Variants in DDR2 observed in about 807,000 individuals in gnomAD.
DDR2 encodes discoidin domain receptor tyrosine kinase 2.
Under a neutral mutation model 94.9 loss-of-function variants are expected in DDR2, and 27 were observed. The ratio of observed to expected loss-of-function variants is 0.28; its 90% CI spans 0.21 to 0.39. DDR2 has a LOEUF of 0.39. Among genes scored for constraint, DDR2 ranks in the 10% least tolerant of loss-of-function variants. The probability of loss-of-function intolerance (pLI) is 1.00; values close to 1 mark genes in which losing one functional copy is unlikely to be tolerated. For missense variants in DDR2, 783 were observed against 1,076.0 expected (o/e 0.73, Z 3.81); for synonymous variants, 382 against 377.2 (o/e 1.01, Z -0.15).
chr1:162,757,993 ATTTT>A (rs1663541011), intron 7 of DDR2, among the ~76,000 whole-genome samples: 1 of 152,158 alleles, frequency 6.6e-6, no homozygotes, highest in African/African-American at 2.4e-5. Flanking sequence ...TGCGCCAAGC[ATTTT>A]CCATTACTAT....
chr1:162,782,952 A>T lies in DDR2; in HGVS notation c.*2706A>T, dbSNP rs1023316279. On this transcript the variant is annotated 3_prime_UTR_variant, in exon 18 of 18. Coordinates refer to ENST00000367921, the MANE Select transcript of DDR2 (RefSeq NM_006182.4). ...CACAGGTTTAGTTTCTAGCTTAGTC[A>T]TGCCTTTAGAGTTTAGTAGCACAAA... 3 of 152,136 alleles carry T rather than the reference A, an allele frequency of 2.0e-5. No individual in the cohort carries two copies. Among genetic ancestry groups the T allele is most frequent in the Admixed American group, 1.3e-4 (2 of 15,266 alleles). 9.4% of individuals were successfully genotyped at this position (152,136 alleles called of 1,614,324 possible).
chr1:162,717,315 C>T (rs1003711415), intron 2 of DDR2, among the ~76,000 whole-genome samples: 4 of 152,114 alleles, frequency 2.6e-5, no homozygotes, highest in Admixed American at 1.3e-4. Flanking sequence ...GGATTACAGG[C>T]GTGAGCCACT....
intron 1 of DDR2, among the ~76,000 whole-genome samples, chr1:162,648,302 C>T (rs761000640): frequency 6.6e-6 from 1 of 152,074 alleles, no homozygotes; most frequent in Non-Finnish European, 1.5e-5. Flanking sequence ...AGCCAGGTAG[C>T]AAAGAGCAGT....
intron 2 of DDR2, among the ~76,000 whole-genome samples, chr1:162,677,698 T>C (rs1047624759): frequency 1.3e-5 from 2 of 152,180 alleles, no homozygotes; most frequent in African/African-American, 4.8e-5. Flanking sequence ...CAAGCAACCC[T>C]CACCTGGGAA....
Position 162,634,509 on chromosome 1 carries a change from T to G in DDR2, c.-192+1878T>G, listed in dbSNP as rs1163127097. On this transcript the variant is annotated intron_variant, in intron 1 of 17. Coordinates refer to ENST00000367921, the MANE Select transcript of DDR2 (RefSeq NM_006182.4). Reference sequence around the variant, plus strand: ...TCATATGAGGCAGCCCCTGTGGTGCTGGGTCTGGCAGTTGGTGCTGATGCT... The same window carrying G: ...TCATATGAGGCAGCCCCTGTGGTGCGGGGTCTGGCAGTTGGTGCTGATGCT... 2.0e-5 allele frequency among the ~76,000 whole-genome samples: 3 copies of G among 152,338 alleles called. No individual in the cohort carries two copies. The East Asian group carries it at 5.8e-4, about 29-fold the overall frequency.
chr1:162,746,888 C>T (rs886141686), intron 3 of DDR2, among the ~76,000 whole-genome samples: 1 of 152,174 alleles, frequency 6.6e-6, no homozygotes, highest in Non-Finnish European at 1.5e-5. Context: ...CTGGAGTGGA[C>T]CTCCAGCAAA....
At chr1:162,643,588 C>T (rs143489471) in intron 1 of DDR2, among the ~76,000 whole-genome samples, 5 of 152,116 alleles carry the variant, frequency 3.3e-5, no homozygotes, top group African/African-American at 9.7e-5. Flanking sequence ...TCAGGTGATT[C>T]TCCTGCCTCA....
At chr1:162,763,387 C>T (rs1403793985) in intron 9 of DDR2, among the ~76,000 whole-genome samples, 2 of 91,384 alleles carry the variant, frequency 2.2e-5, no homozygotes, top group Non-Finnish European at 4.0e-5. Context: ...TTAGTAAAGA[C>T]GGGGTTTCAC....
chr1:162,636,206 G>A (rs552675878), intron 1 of DDR2, among the ~76,000 whole-genome samples: 30 of 152,144 alleles, frequency 2.0e-4, no homozygotes, highest in Non-Finnish European at 3.4e-4. Flanking sequence ...CCCAGCATTT[G>A]GCAAATTGTG....
intron 3 of DDR2, among the ~76,000 whole-genome samples, chr1:162,735,269 C>A (rs1311169492): frequency 6.6e-6 from 1 of 152,160 alleles, no homozygotes; most frequent in African/African-American, 2.4e-5. Context: ...TTGACCTAAA[C>A]CCTCTGTATG....
chr1:162,648,347 TG>T (rs1345062298), intron 1 of DDR2, among the ~76,000 whole-genome samples: 13 of 152,164 alleles, frequency 8.5e-5, no homozygotes, highest in Admixed American at 7.2e-4. Flanking sequence ...TGCTTATGGC[TG>T]GCTGGTTCAG....
intron 3 of DDR2, among the ~76,000 whole-genome samples, chr1:162,734,271 G>A (rs916967929): frequency 6.6e-6 from 1 of 152,214 alleles, no homozygotes; most frequent in Non-Finnish European, 1.5e-5. Context: ...ATTAGCCAAG[G>A]CTACCCTTGA....
At chr1:162,646,441 T>C (rs952321992) in intron 1 of DDR2, among the ~76,000 whole-genome samples, 8 of 152,212 alleles carry the variant, frequency 5.3e-5, no homozygotes, top group Non-Finnish European at 1.0e-4. Context: ...ACATATGTAA[T>C]CTCATGAAAA....
rs528552581 is a variant in DDR2 at position 162,749,301 on chromosome 1, C to T, written c.83-3794C>T. ...AAAGGAGAGAAGAATCAAATAGATA[C>T]AATAAAAAATGATAAAGGAGTTATC... is the stretch of plus-strand genomic sequence containing the variant. On this transcript the variant is annotated intron_variant, in intron 3 of 17. Transcript: ENST00000367921. 2.6e-5 allele frequency among the ~76,000 whole-genome samples: 4 copies of T among 152,216 alleles called. No homozygotes were observed. In the East Asian group the frequency reaches 5.8e-4, roughly 22 times the overall value.
At chr1:162,638,401 T>C (rs1003982644) in intron 1 of DDR2, among the ~76,000 whole-genome samples, 1 of 152,236 alleles carries the variant, frequency 6.6e-6, no homozygotes, top group African/African-American at 2.4e-5. Context: ...GCTATCGTTC[T>C]ATGTCTAAAT....
intron 14 of DDR2, among the ~76,000 whole-genome samples, chr1:162,774,267 G>A (rs1019313335): frequency 6.6e-6 from 1 of 152,190 alleles, no homozygotes; most frequent in Admixed American, 6.5e-5. Flanking sequence ...CTCACCCAGA[G>A]AGACAAGCTG....
Position 162,753,168 on chromosome 1 carries a change from G to C in DDR2, c.156G>C (p.Trp52Cys), listed in dbSNP as rs1254693624. The change falls in exon 4 of 18, where the codon TGG becomes TGC. Residue 52 changes from tryptophan to cysteine, a missense_variant. This residue lies in a region of DDR2 where 519 missense variants were observed against 647.9 expected (regional missense o/e 0.80). Transcript: ENST00000367921. ...PDEDITASSQ[W>C]SESTAAKYGR... ...AGGACATCACAGCTTCCAGTCAGTGGTCAGAGTCCACAGCTGCCAAATATG... is the reference window on the plus strand; with the variant it reads ...AGGACATCACAGCTTCCAGTCAGTGCTCAGAGTCCACAGCTGCCAAATATG... 1 of 1,613,600 alleles carries C rather than the reference G, an allele frequency of 6.2e-7. No individual in the cohort carries two copies. Among genetic ancestry groups the C allele is most frequent in the South Asian group, 1.1e-5 (1 of 91,048 alleles).
intron 1 of DDR2, among the ~76,000 whole-genome samples, chr1:162,643,604 C>T (rs1481348664): frequency 1.3e-5 from 2 of 152,240 alleles, no homozygotes; most frequent in South Asian, 2.1e-4. Context: ...CCTCAGCCTT[C>T]CGAGTAGCTG....
intron 1 of DDR2, among the ~76,000 whole-genome samples, chr1:162,643,757 A>T (rs1263694087): frequency 6.6e-6 from 1 of 152,222 alleles, no homozygotes; most frequent in Non-Finnish European, 1.5e-5. Context: ...CTGGGATTAC[A>T]GGTGTGAGCC....
Sources: allele counts gnomAD v4.1 joint callset (sites outside exome capture counted in the v4.1 genomes callset), GRCh38; gene constraint gnomAD v4.1.1; regional missense constraint gnomAD v4.1.1; transcripts MANE v1.5; gene names NCBI Gene and HGNC (gene_info 2026-07-23, HGNC 2026-07-21).